The following PRKCE variants were observed in gnomAD, a reference collection of about 807,000 sequenced individuals.
The protein encoded by PRKCE is protein kinase C epsilon type.
Under a neutral mutation model 85.4 loss-of-function variants are expected in PRKCE, and 16 were observed. The ratio of observed to expected loss-of-function variants is 0.19; its 90% CI spans 0.13 to 0.28. The LOEUF is 0.28. PRKCE is among the 10% of genes least tolerant of loss of function. The probability of loss-of-function intolerance (pLI) is 1.00; values close to 1 mark genes in which losing one functional copy is unlikely to be tolerated. For synonymous variants in PRKCE, 388 were observed against 371.5 expected (o/e 1.04, Z -0.51); for missense variants, 573 against 975.2 (o/e 0.59, Z 5.49).
At chr2:46,007,257 A>G (rs960367124) in intron 8 of PRKCE, among the ~76,000 whole-genome samples, 3 of 152,222 alleles carry the variant, frequency 2.0e-5, no homozygotes. Context: ...TCCTCTTTGC[A>G]TACCTAAGCT....
intron 1 of PRKCE, among the ~76,000 whole-genome samples, chr2:45,750,484 A>G (rs149080534): frequency 6.6e-6 from 1 of 151,448 alleles, no homozygotes; most frequent in Admixed American, 6.6e-5. Flanking sequence ...GTGCCCCTGC[A>G]TAGGGAACTG....
chr2:45,708,287 A>T (rs1237291712), intron 1 of PRKCE, among the ~76,000 whole-genome samples: 1 of 152,200 alleles, frequency 6.6e-6, no homozygotes, highest in Non-Finnish European at 1.5e-5. Flanking sequence ...CAAAGCCTAC[A>T]TCGTGGGAAA....
In PRKCE at chr2:45,651,868, AT is replaced by A; in HGVS notation, c.-232del. The stretch of plus-strand genomic sequence containing the variant: ...GGAGAGACTTGCTCCAAACACGGAC[AT>A]CCCCCAGCTCTCCCCCCTCCCTGTT... On this transcript the variant is annotated 5_prime_UTR_variant, in exon 1 of 15. Transcript: ENST00000306156. The A allele has an allele frequency of 2.5e-6, 1 of 406,522 alleles. No homozygotes were observed. The highest frequency in any genetic ancestry group is 4.1e-5 in the Admixed American group (1 of 24,398). The allele number at this position is 406,522 out of a possible 1,614,324, so 25.2% of individuals were successfully genotyped here.
chr2:45,792,177 G>A (rs1177062397), intron 1 of PRKCE, among the ~76,000 whole-genome samples: 1 of 152,170 alleles, frequency 6.6e-6, no homozygotes, highest in East Asian at 1.9e-4. Context: ...CAAAGGGGAA[G>A]TGGTGCAAAG....
At chr2:45,814,095 TG>T (rs1181219320) in intron 1 of PRKCE, among the ~76,000 whole-genome samples, 13 of 152,106 alleles carry the variant, frequency 8.5e-5, no homozygotes, top group Non-Finnish European at 2.9e-5. Context: ...AAGAGGGATT[TG>T]GCTAGGTGAG....
At chr2:46,158,339 C>G (rs78270859) in intron 13 of PRKCE, among the ~76,000 whole-genome samples, 10,633 of 152,180 alleles carry the variant, frequency 0.07, 384 homozygotes, top group Middle Eastern at 0.099. Context: ...GCAAGGTAGA[C>G]AGGGTTCAGG....
At chr2:46,056,025 A>T (rs1263327641) in intron 10 of PRKCE, among the ~76,000 whole-genome samples, 1 of 152,032 alleles carries the variant, frequency 6.6e-6, no homozygotes, top group Admixed American at 6.5e-5. Context: ...TCAGGGGTCC[A>T]TTTTTCTGGG....
chr2:45,939,001 G>A (rs1428004936), intron 2 of PRKCE, among the ~76,000 whole-genome samples: 4 of 152,148 alleles, frequency 2.6e-5, no homozygotes, highest in African/African-American at 9.7e-5. Context: ...CTAATTCCAC[G>A]CTGGCTCTGA....
chr2:46,046,257 G>C (rs1458652367), intron 10 of PRKCE, among the ~76,000 whole-genome samples: 2 of 152,222 alleles, frequency 1.3e-5, no homozygotes, highest in Admixed American at 1.3e-4. Flanking sequence ...AGTTGGCTGA[G>C]CAGCCAGCCT....
At chr2:46,120,184 C>T (rs1455525514) in intron 11 of PRKCE, among the ~76,000 whole-genome samples, 1 of 152,224 alleles carries the variant, frequency 6.6e-6, no homozygotes, top group Non-Finnish European at 1.5e-5. Flanking sequence ...AGACACTCAT[C>T]AACCATAGTC....
intron 1 of PRKCE, among the ~76,000 whole-genome samples, chr2:45,839,122 A>G (rs6761327): frequency 0.46 from 69,084 of 151,352 alleles, 15,965 homozygotes; most frequent in Middle Eastern, 0.56. Context: ...CTGGGTGCTT[A>G]GTTAAAAAAA....
At chr2:45,700,251 G>A (rs656823) in intron 1 of PRKCE, among the ~76,000 whole-genome samples, 21,832 of 151,784 alleles carry the variant, frequency 0.14, 1,898 homozygotes, top group Middle Eastern at 0.23. Context: ...TGCAGCACTC[G>A]AAGTCTGATG....
At chr2:46,151,927 T>A (rs1437786098) in intron 13 of PRKCE, among the ~76,000 whole-genome samples, 1 of 152,226 alleles carries the variant, frequency 6.6e-6, no homozygotes, top group East Asian at 1.9e-4. Flanking sequence ...CCGTGAAAGC[T>A]GAGGTACAGG....
At chr2:46,095,790 G>C (rs1220390334) in intron 11 of PRKCE, among the ~76,000 whole-genome samples, 1 of 152,232 alleles carries the variant, frequency 6.6e-6, no homozygotes, top group Admixed American at 6.5e-5. Context: ...AAGTAAAATA[G>C]TGGTGAATAT....
chr2:46,128,327 G>A (rs1674074909), intron 11 of PRKCE, among the ~76,000 whole-genome samples: 1 of 152,168 alleles, frequency 6.6e-6, no homozygotes, highest in Non-Finnish European at 1.5e-5. Context: ...GGTCAAGTTT[G>A]GAAACTGCTC....
At chr2:45,979,474 G>A (rs191709950) in intron 4 of PRKCE, among the ~76,000 whole-genome samples, 1 of 152,316 alleles carries the variant, frequency 6.6e-6, no homozygotes, top group Admixed American at 6.5e-5. Context: ...TTGGCTGTGT[G>A]ATCATTAGCT....
At chr2:46,178,745 T>C (rs762491830) in intron 14 of PRKCE, among the ~76,000 whole-genome samples, 1 of 152,238 alleles carries the variant, frequency 6.6e-6, no homozygotes, top group Non-Finnish European at 1.5e-5. Context: ...TTGGCTGTTA[T>C]AGTGACTAAA....
chr2:45,656,951 G>A (rs529579043), intron 1 of PRKCE, among the ~76,000 whole-genome samples: 1 of 152,378 alleles, frequency 6.6e-6, no homozygotes, highest in African/African-American at 2.4e-5. Flanking sequence ...TGGGATTCAT[G>A]TTAGAAGCAG....
chr2:45,893,348 C>T (rs370324474), intron 2 of PRKCE, among the ~76,000 whole-genome samples: 26 of 88,354 alleles, frequency 2.9e-4, no homozygotes, highest in Non-Finnish European at 4.7e-4. Context: ...CTTTTCTTTT[C>T]TTTTCTTTTT....
Sources: gnomAD v4.1 joint callset for allele counts (sites outside exome capture counted in the v4.1 genomes callset) on GRCh38, gnomAD v4.1.1 for gene constraint, MANE v1.5 for transcripts, NCBI Gene and HGNC (gene_info 2026-07-23, HGNC 2026-07-21) for gene names.